The following LMTK3 variants were observed in gnomAD, a reference collection of about 807,000 sequenced individuals.
The protein encoded by LMTK3 is serine/threonine-protein kinase LMTK3.
Under a neutral mutation model 116.7 loss-of-function variants are expected in LMTK3, and 27 were observed. That is an observed-to-expected ratio of 0.23 (90% CI 0.17 to 0.32). LMTK3 has a LOEUF of 0.32. Among genes scored for constraint, LMTK3 ranks in the 10% least tolerant of loss-of-function variants. The pLI, the probability that LMTK3 is intolerant of heterozygous loss-of-function variation, is 1.00. For missense variants in LMTK3, 1,764 were observed against 2,068.5 expected, an observed-to-expected ratio of 0.85 and a Z score of 2.86; for synonymous variants, 965 against 971.0, an observed-to-expected ratio of 0.99 and a Z score of 0.11.
At chr19:48,486,385 C>T (rs1308276077) in intron 14 of LMTK3, among the ~76,000 whole-genome samples, 3 of 151,608 alleles carry the variant, frequency 2.0e-5, no homozygotes, top group Non-Finnish European at 4.4e-5. Flanking sequence ...CTACGTGACT[C>T]AGGCCCCACC....
rs1406390286 is a variant in LMTK3, at chr19:48,497,606, CCGGTGGCGGTGGCAGCGGTGGCGG to C, written c.3439_3462del (p.Pro1147_Pro1154del). On this transcript the variant is annotated inframe_deletion, in exon 11 of 15. Transcript: ENST00000600059. The surrounding 1 kb of genome is among the most constrained non-coding windows in gnomAD (Gnocchi z 5.7). ...GGCTCCAGCCTCCTCGGCTGTGCCT[CCGGTGGCGGTGGCAGCGGTGGCGG>C]CGGTGGCTGCGGCCTCGTGTTGTCT... The C allele has an allele frequency of 7.6e-7, 1 of 1,308,486 alleles. No homozygotes were observed. The highest frequency in any genetic ancestry group is 1.5e-5 in the African/African-American group (1 of 65,242). The allele number at this position is 1,308,486 out of a possible 1,614,324, so 81.1% of individuals were successfully genotyped here.
In LMTK3 at chr19:48,502,878, C is replaced by T. The variant is rs769697919; in HGVS notation, c.645+31G>A. 5.8e-6 allele frequency: 9 copies of T among 1,542,708 alleles called. No individual in the cohort carries two copies. In the African/African-American group the frequency reaches 6.8e-5, roughly 12 times the overall value. On this transcript the variant is annotated intron_variant, in intron 6 of 14. Coordinates refer to ENST00000600059, the MANE Select transcript of LMTK3 (RefSeq NM_001388485.1). ...CCCCGGCCTTGTCCAGCTGCCCCCT[C>T]TGCCCTTCCCCAACCCCCCAAGACC...
chr19:48,498,724 C>A lies in LMTK3; in HGVS notation c.2345G>T (p.Gly782Val), dbSNP rs888669660. 6.5e-7 allele frequency: 1 copy of A among 1,532,180 alleles called. No individual in the cohort carries two copies. The highest frequency in any genetic ancestry group is 1.4e-5 in the African/African-American group (1 of 72,742). 94.9% of individuals were successfully genotyped at this position (1,532,180 alleles called of 1,614,324 possible). ...CGGCTTGGGGCCCGGCGACGAGAGGCCTGAACCGGGACTGGCCACGGCCGA... is the reference window on the plus strand; with the variant it reads ...CGGCTTGGGGCCCGGCGACGAGAGGACTGAACCGGGACTGGCCACGGCCGA... ...PPSAVASPGS[G>V]LSSPGPKPGD... Residue 782 changes from glycine (G) to valine (V), a missense_variant, in exon 11 of 15, where the codon GGC becomes GTC. This residue lies in a region of LMTK3 where 1,028 missense variants were observed against 1,050.6 expected (regional missense o/e 0.98). Transcript: ENST00000600059.
At chr19:48,501,225 T>A (rs1395049300) in intron 9 of LMTK3, 58 bp downstream of exon 9, 10 of 1,606,184 alleles carry the variant, frequency 6.2e-6, no homozygotes, top group Non-Finnish European at 8.5e-6. Context: ...ACCGGTGGCA[T>A]CTAGTAACCC....
At position 48,511,620 on chromosome 19, in the gene LMTK3, A is replaced by AGGTGGGGGGGGGGGGGGGGGGGGG; in HGVS notation, c.-45_-44insCCCCCCCCCCCCCCCCCCCCCACC. ...GAGGTGGAGGTGGTGGCGGCTGGGG[A>AGGTGGGGGGGGGGGGGGGGGGGGG]GGAGGGGGGGGCGGGCCCTCAGCCC... is the stretch of plus-strand genomic sequence containing the variant. On this transcript the variant is annotated 5_prime_UTR_variant, in exon 1 of 15. Coordinates refer to ENST00000600059, the MANE Select transcript of LMTK3 (RefSeq NM_001388485.1). 3 of 118,214 alleles carry AGGTGGGGGGGGGGGGGGGGGGGGG rather than the reference A, an allele frequency of 2.5e-5. No homozygotes were observed. Among genetic ancestry groups the AGGTGGGGGGGGGGGGGGGGGGGGG allele is most frequent in the Non-Finnish European group, 3.0e-5 (2 of 66,516 alleles). 7.3% of individuals were successfully genotyped at this position (118,214 alleles called of 1,614,324 possible).
At chr19:48,510,705 C>A in intron 1 of LMTK3, 113 bp from the exon 2 acceptor site, 3 of 1,268,284 alleles carry the variant, frequency 2.4e-6, no homozygotes, top group East Asian at 2.7e-5. Context: ...GCTCTGCGAC[C>A]AGGGTCCCTT....
intron 11 of LMTK3, among the ~76,000 whole-genome samples, chr19:48,495,907 T>C (rs1268516043): frequency 6.6e-6 from 1 of 152,260 alleles, no homozygotes; most frequent in Admixed American, 6.5e-5. Context: ...CCTGCATTCC[T>C]ACCAAAACTT....
chr19:48,510,418 G>GGAGTCTTCCTCCCCAAGTTGAATCCCCTC, intron 2 of LMTK3, 41 bp downstream of exon 2: 1 of 1,572,962 alleles, frequency 6.4e-7, no homozygotes. Context: ...AGGCCTTGCT[G>GGAGTCTTCCTCCCCAAGTTGAATCCCCTC]GAGTCTTCCT....
chr19:48,489,521 C>T (rs2147528579), intron 14 of LMTK3, among the ~76,000 whole-genome samples: 1 of 151,780 alleles, frequency 6.6e-6, no homozygotes, highest in African/African-American at 2.4e-5. Context: ...TGCAATGAGC[C>T]GAGATCACAC....
intron 5 of LMTK3, among the ~76,000 whole-genome samples, chr19:48,508,408 A>G (rs1272717676): frequency 6.6e-6 from 1 of 152,152 alleles, no homozygotes; most frequent in Non-Finnish European, 1.5e-5. Context: ...AGAGTGGAGT[A>G]GAGACCAAGA....
Position 48,497,867 on chromosome 19 carries a change from C to T in LMTK3, c.3202G>A (p.Gly1068Arg), listed in dbSNP as rs1178045670. 1.2e-5 allele frequency: 18 copies of T among 1,445,094 alleles called. No individual in the cohort carries two copies. The Admixed American group carries it at 5.1e-4, about 41-fold the overall frequency. 89.5% of individuals were successfully genotyped at this position (1,445,094 alleles called of 1,614,324 possible). The change falls in exon 11 of 15, where the codon GGG becomes AGG. Residue 1068 changes from glycine (G) to arginine (R), a missense_variant. Around this residue, in one of 7 missense-constraint regions of LMTK3, gnomAD observed 1,028 missense variants for 1,050.6 expected, o/e 0.98. Transcript: ENST00000600059. The surrounding 1 kb of genome is among the most constrained non-coding windows in gnomAD (Gnocchi z 5.7). ...CCAAGGGGGCCAGGGGCTGTCTCCC[C>T]GCCGTTCCGGGAGGAGACCACTGCG... The part of the protein sequence containing the change: ...PSAVVSSRNG[G>R]ETAPGPLGPA...
At chr19:48,505,842 C>T (rs1601056206) in intron 5 of LMTK3, among the ~76,000 whole-genome samples, 1 of 101,216 alleles carries the variant, frequency 9.9e-6, no homozygotes, top group Admixed American at 1.2e-4. Flanking sequence ...GCCTGGGCAA[C>T]AAGATTGAAA....
At position 48,498,930 on chromosome 19, in the gene LMTK3, C is replaced by T; in HGVS notation, c.2139G>A (p.Glu713=). ...TGGGCAAGTCGGCCAGGGAGCCCCG[C>T]TCTGCCCGCAGCGAGGAGTCGTCCT... ...PPEDDSSLRA[E]RGSLADLPMA... The change falls in exon 11 of 15, where the codon GAG becomes GAA. Residue 713 remains glutamate, a synonymous_variant. Coordinates refer to ENST00000600059, the MANE Select transcript of LMTK3 (RefSeq NM_001388485.1). The T allele has an allele frequency of 7.7e-7, 1 of 1,296,546 alleles. No individual in the cohort carries two copies. The highest frequency in any genetic ancestry group is 9.7e-7 in the Non-Finnish European group (1 of 1,026,270). 80.3% of individuals were successfully genotyped at this position (1,296,546 alleles called of 1,614,324 possible). A position where few individuals can be genotyped will look rare whatever the true frequency, so the allele number is the denominator to read the frequency against.
Position 48,498,618 on chromosome 19 carries a change from C to T in LMTK3, c.2451G>A (p.Gly817=). The part of the protein sequence containing the change: ...FPGGGAAEEE[G]VPRPRAPPEP... ...CGGGGGGAGCCCGCGGCCGAGGGAC[C>T]CCTTCCTCCTCGGCCGCCCCCCCAC... Residue 817 remains glycine (G), a synonymous_variant, in exon 11 of 15, where the codon GGG becomes GGA. Transcript: ENST00000600059. 1.3e-6 allele frequency: 2 copies of T among 1,544,388 alleles called. No homozygotes were observed. The highest frequency in any genetic ancestry group is 8.7e-7 in the Non-Finnish European group (1 of 1,144,550).
rs1262327386 is a variant in LMTK3, at chr19:48,494,688, C to T, written c.3677-579G>A. On this transcript the variant is annotated intron_variant, in intron 11 of 14. Coordinates refer to ENST00000600059, the MANE Select transcript of LMTK3 (RefSeq NM_001388485.1). This position sits in a 1 kb window ranked among gnomAD's most constrained non-coding sequence, Gnocchi z 4.0. ...GCAAATGAACAAGGGTCACTTAGCC[C>T]TCCATTACTGCATAAGTGAACTGCC... Among the ~76,000 whole-genome samples the T allele has an allele frequency of 1.3e-5, 2 of 152,166 alleles. No individual in the cohort carries two copies. The highest frequency in any genetic ancestry group is 4.8e-5 in the African/African-American group (2 of 41,422).
In LMTK3 at chr19:48,511,631, GC is replaced by G. The variant is rs1450247716; in HGVS notation, c.-56del. The G allele has an allele frequency of 4.4e-6, 2 of 456,828 alleles. No homozygotes were observed. Among genetic ancestry groups the G allele is most frequent in the Non-Finnish European group, 7.9e-6 (2 of 252,156 alleles). 28.3% of individuals were successfully genotyped at this position (456,828 alleles called of 1,614,324 possible). On this transcript the variant is annotated 5_prime_UTR_variant, in exon 1 of 15. Coordinates refer to ENST00000600059, the MANE Select transcript of LMTK3 (RefSeq NM_001388485.1). ...GGTGGCGGCTGGGGAGGAGGGGGGG[GC>G]GGGCCCTCAGCCCCCAGCCATGGGG...
At position 48,499,092 on chromosome 19, in the gene LMTK3, A is replaced by C. The variant is rs758943518; in HGVS notation, c.1977T>G (p.Gly659=). Reference sequence around the variant, plus strand: ...GTAGGGGACCCCGGCGGCTTGGGCCACCTCCAAGGCTGCTGCTGTCTTCCC... The same window carrying C: ...GTAGGGGACCCCGGCGGCTTGGGCCCCCTCCAAGGCTGCTGCTGTCTTCCC... The part of the protein sequence containing the change: ...SPGEDSSSLG[G]GPSRRGPLPC... Residue 659 remains glycine, a synonymous_variant, in exon 11 of 15, where the codon GGT becomes GGG. Coordinates refer to ENST00000600059, the MANE Select transcript of LMTK3 (RefSeq NM_001388485.1). 2.6e-6 allele frequency: 4 copies of C among 1,551,316 alleles called. No individual in the cohort carries two copies. The African/African-American group carries it at 5.5e-5, about 21-fold the overall frequency.
rs1459676665 is a variant in LMTK3 at position 48,498,773 on chromosome 19, G to A, written c.2296C>T (p.Pro766Ser). The change falls in exon 11 of 15, where the codon CCG becomes TCG. Residue 766 changes from proline to serine, a missense_variant. Coordinates refer to ENST00000600059, the MANE Select transcript of LMTK3 (RefSeq NM_001388485.1). Reference sequence around the variant, plus strand: ...GAAGGGGGGTCGGGGGACGCGGCCGGGTCCGCGGGGGCCCGAGGAGGTGGC... The same window carrying A: ...GAAGGGGGGTCGGGGGACGCGGCCGAGTCCGCGGGGGCCCGAGGAGGTGGC... ...PPPPPRAPAD[P>S]AASPDPPSAV... 7.0e-7 allele frequency: 1 copy of A among 1,431,348 alleles called. No homozygotes were observed. Among genetic ancestry groups the A allele is most frequent in the Admixed American group, 2.7e-5 (1 of 36,404 alleles). 88.7% of individuals were successfully genotyped at this position (1,431,348 alleles called of 1,614,324 possible).
At chr19:48,487,575 G>T (rs576181639) in intron 14 of LMTK3, among the ~76,000 whole-genome samples, 1 of 152,076 alleles carries the variant, frequency 6.6e-6, no homozygotes, top group East Asian at 1.9e-4. Context: ...CCAGCATCCC[G>T]TCTGGCACAA....
Sources: allele counts gnomAD v4.1 joint callset (sites outside exome capture counted in the v4.1 genomes callset), GRCh38; gene constraint gnomAD v4.1.1; regional missense constraint gnomAD v4.1.1; non-coding constraint Gnocchi (gnomAD v3.1); transcripts MANE v1.5; gene names NCBI Gene and HGNC (gene_info 2026-07-23, HGNC 2026-07-21).